Variants in LTBP1 observed in about 807,000 individuals in gnomAD.
LTBP1 encodes the protein latent transforming growth factor beta binding protein 1, also known as latent-transforming growth factor beta-binding protein 1.
Under a neutral mutation model 207.6 loss-of-function variants are expected in LTBP1, and 129 were observed. The ratio of observed to expected loss-of-function variants is 0.62; its 90% CI spans 0.54 to 0.72. LTBP1 has a LOEUF of 0.72. Ranked by LOEUF, LTBP1 falls within the 30% of genes least tolerant of loss-of-function variation. LTBP1 has a pLI of 0.00. For synonymous variants in LTBP1, 963 were observed against 833.7 expected, an observed-to-expected ratio of 1.16 and a Z score of -2.67; for missense variants, 2,281 against 2,217.2, an observed-to-expected ratio of 1.03 and a Z score of -0.58.
At chr2:33,015,328 A>G (rs1265756326) in intron 2 of LTBP1, among the ~76,000 whole-genome samples, 3 of 152,242 alleles carry the variant, frequency 2.0e-5, no homozygotes, top group Non-Finnish European at 4.4e-5. Context: ...TCGCAAATCA[A>G]GTCTGCAAGT....
rs1191054862 is a variant in LTBP1, at chr2:33,134,904, T to C, written c.1145T>C (p.Leu382Pro). 6.2e-7 allele frequency: 1 copy of C among 1,613,978 alleles called. No individual in the cohort carries two copies. Among genetic ancestry groups the C allele is most frequent in the Non-Finnish European group, 8.5e-7 (1 of 1,179,952 alleles). ...NSCEKGNTTTLISENGHAADT... is the reference protein window; with the variant it reads ...NSCEKGNTTTPISENGHAADT... ...TGTGAGAAGGGGAACACCACCACTC[T>C]CATTAGTGAGAATGGTCATGCTGCC... Residue 382 changes from leucine (L) to proline (P), a missense_variant, in exon 5 of 34, where the codon CTC becomes CCC. Around this residue, in one of 3 missense-constraint regions of LTBP1, gnomAD observed 55 missense variants for 91.5 expected, o/e 0.60. Transcript: ENST00000404816. The surrounding 1 kb of genome is among the most constrained non-coding windows in gnomAD (Gnocchi z 4.4).
chr2:33,297,874 C>CA (rs1433856683), intron 20 of LTBP1, among the ~76,000 whole-genome samples: 1 of 152,184 alleles, frequency 6.6e-6, no homozygotes, highest in Non-Finnish European at 1.5e-5. Flanking sequence ...CTAGTCTCCC[C>CA]AATGAATCTT....
chr2:33,118,849 A>G (rs180690014), intron 4 of LTBP1, among the ~76,000 whole-genome samples: 99 of 152,330 alleles, frequency 6.5e-4, no homozygotes, highest in African/African-American at 2.2e-3. Context: ...CCGTACGAAC[A>G]TGATTATTCT....
At chr2:33,110,854 CA>C in intron 4 of LTBP1, 103 bp downstream of exon 4, 1 of 1,089,714 alleles carries the variant, frequency 9.2e-7, no homozygotes. Context: ...AAATAAAATT[CA>C]AGAGTCATTA....
intron 2 of LTBP1, among the ~76,000 whole-genome samples, chr2:33,019,688 A>G (rs2075058184): frequency 6.6e-6 from 1 of 151,186 alleles, no homozygotes; most frequent in African/African-American, 2.4e-5. Context: ...TACTTACTCT[A>G]CCAATGACCC....
At chr2:33,011,530 G>A (rs977326804) in intron 2 of LTBP1, among the ~76,000 whole-genome samples, 12 of 151,960 alleles carry the variant, frequency 7.9e-5, no homozygotes, top group Non-Finnish European at 1.8e-4. Flanking sequence ...AGGGAAGACC[G>A]AGTGAAGTCA....
chr2:33,371,183 C>G (rs1052467056), intron 31 of LTBP1, among the ~76,000 whole-genome samples: 1 of 152,218 alleles, frequency 6.6e-6, no homozygotes, highest in Non-Finnish European at 1.5e-5. Flanking sequence ...CAATGCTCCA[C>G]TACAGAGGCC....
rs186900082 is a variant in LTBP1, at chr2:33,009,474, T to A, written c.566-11435T>A. Among the ~76,000 whole-genome samples the A allele has an allele frequency of 4.7e-4, 71 of 152,174 alleles. 1 individual carries two copies. Among genetic ancestry groups the A allele is most frequent in the Non-Finnish European group, 9.1e-4 (62 of 68,032 alleles). ...TGACGTAATCCAGTGGACTGATGTC[T>A]TTATGAAAAGGGGATATTTCAGCAT... is the stretch of plus-strand genomic sequence containing the variant. On this transcript the variant is annotated intron_variant, in intron 2 of 33. Coordinates refer to ENST00000404816, the MANE Select transcript of LTBP1 (RefSeq NM_206943.4).
chr2:33,118,155 C>T (rs971419588), intron 4 of LTBP1, among the ~76,000 whole-genome samples: 1 of 151,142 alleles, frequency 6.6e-6, no homozygotes, highest in South Asian at 2.1e-4. Context: ...GCATTGAAAG[C>T]CCTCCCTACA....
intron 4 of LTBP1, among the ~76,000 whole-genome samples, chr2:33,117,731 T>C (rs1168186138): frequency 6.6e-6 from 1 of 152,050 alleles, no homozygotes; most frequent in Non-Finnish European, 1.5e-5. Context: ...GAGCACCCAT[T>C]ATGGGATGGA....
At chr2:32,954,470 G>A (rs909489703) in intron 2 of LTBP1, among the ~76,000 whole-genome samples, 2 of 151,926 alleles carry the variant, frequency 1.3e-5, no homozygotes, top group Non-Finnish European at 2.9e-5. Context: ...ATTGTCTTGT[G>A]TGTGTGTCTG....
intron 5 of LTBP1, among the ~76,000 whole-genome samples, chr2:33,182,721 C>G (rs1180121853): frequency 1.1e-5 from 1 of 88,420 alleles, no homozygotes; most frequent in Non-Finnish European, 2.4e-5. Context: ...CACACACACA[C>G]ACACACACAC....
intron 18 of LTBP1, among the ~76,000 whole-genome samples, chr2:33,276,654 C>T (rs2093432468): frequency 1.3e-5 from 2 of 152,218 alleles, no homozygotes; most frequent in African/African-American, 4.8e-5. Flanking sequence ...AGTTTGAGAC[C>T]AGCCTGGCCA....
chr2:33,328,473 G>A (rs1559019992), intron 24 of LTBP1, among the ~76,000 whole-genome samples: 2 of 152,152 alleles, frequency 1.3e-5, no homozygotes, highest in African/African-American at 2.4e-5. Context: ...CATTGCTGGG[G>A]AGGCCTCAGG....
chr2:33,146,318 C>G (rs1031253795), intron 5 of LTBP1, among the ~76,000 whole-genome samples: 2 of 152,184 alleles, frequency 1.3e-5, no homozygotes, highest in African/African-American at 2.4e-5. Context: ...GAAAACCTAA[C>G]AATTTGGTGG....
At chr2:33,357,284 A>G (rs775328620) in intron 26 of LTBP1, among the ~76,000 whole-genome samples, 47 of 152,320 alleles carry the variant, frequency 3.1e-4, no homozygotes, top group Non-Finnish European at 5.7e-4. Flanking sequence ...ACTCCTTCCT[A>G]TTCAGAGCCA....
intron 3 of LTBP1, among the ~76,000 whole-genome samples, chr2:33,105,500 G>A (rs1354199958): frequency 6.6e-6 from 1 of 150,998 alleles, no homozygotes; most frequent in Non-Finnish European, 1.5e-5. Context: ...GCATTGGCAT[G>A]ATCTTGGCTC....
intron 4 of LTBP1, among the ~76,000 whole-genome samples, chr2:33,128,528 C>T (rs148385906): frequency 2.8e-4 from 43 of 152,298 alleles, no homozygotes; most frequent in African/African-American, 9.1e-4. Flanking sequence ...TGTGCTGCTG[C>T]GAAGACTGGC....
At chr2:33,133,819 A>C (rs1381304173) in intron 4 of LTBP1, among the ~76,000 whole-genome samples, 1 of 152,200 alleles carries the variant, frequency 6.6e-6, no homozygotes, top group Non-Finnish European at 1.5e-5. Flanking sequence ...CAATTCTCTC[A>C]AGTTTTGGAA....
Sources: allele counts gnomAD v4.1 joint callset (sites outside exome capture counted in the v4.1 genomes callset), GRCh38; gene constraint gnomAD v4.1.1; regional missense constraint gnomAD v4.1.1; non-coding constraint Gnocchi (gnomAD v3.1); transcripts MANE v1.5; gene names NCBI Gene and HGNC (gene_info 2026-07-23, HGNC 2026-07-21).